AHCTF1: variants seen among roughly 807,000 people sequenced by gnomAD.
AHCTF1 encodes the protein AT-hook containing transcription factor 1.
Under a neutral mutation model 248.4 loss-of-function variants are expected in AHCTF1, and 24 were observed. The ratio of observed to expected loss-of-function variants is 0.10; its 90% CI spans 0.07 to 0.14. The LOEUF is 0.14. Ranked by LOEUF, AHCTF1 falls within the 10% of genes least tolerant of loss-of-function variation. AHCTF1 has a pLI of 1.00. For synonymous variants in AHCTF1, 786 were observed against 929.8 expected (o/e 0.85, Z 2.81); for missense variants, 2,206 against 2,636.2 (o/e 0.84, Z 3.57).
chr1:246,872,232 A>C (rs1662647814), intron 24 of AHCTF1, among the ~76,000 whole-genome samples: 1 of 152,098 alleles, frequency 6.6e-6, no homozygotes, highest in African/African-American at 2.4e-5. Flanking sequence ...GGTGTCTCCA[A>C]TTTGTACAAA....
chr1:246,868,538 G>A lies in AHCTF1; in HGVS notation c.3089-727C>T, dbSNP rs560848869. ...TCAAAGTGCTGGGATAGAGGTGTGAGCCACCGGCCTGGCCTACATTTTGTT... is the reference window on the plus strand; with the variant it reads ...TCAAAGTGCTGGGATAGAGGTGTGAACCACCGGCCTGGCCTACATTTTGTT... On this transcript the variant is annotated intron_variant, in intron 24 of 35. Transcript: ENST00000648844. Among the ~76,000 whole-genome samples, 21 of 151,382 alleles carry A rather than the reference G, an allele frequency of 1.4e-4. 1 individual carries two copies. The highest frequency in any genetic ancestry group is 2.9e-5 in the Non-Finnish European group (2 of 67,950).
intron 1 of AHCTF1, among the ~76,000 whole-genome samples, chr1:246,926,601 A>T (rs1158079930): frequency 6.6e-6 from 1 of 152,228 alleles, no homozygotes; most frequent in Non-Finnish European, 1.5e-5. Context: ...CACACCTGTC[A>T]TCCCAGCACT....
At chr1:246,851,530 G>A (rs1660719929) in intron 32 of AHCTF1, 88 bp from the exon 33 acceptor site, 3 of 1,201,700 alleles carry the variant, frequency 2.5e-6, no homozygotes, top group Non-Finnish European at 3.4e-6. Context: ...ACCCTTGGCT[G>A]TGTGCCTTTT....
intron 1 of AHCTF1, among the ~76,000 whole-genome samples, chr1:246,919,833 T>C (rs1243084623): frequency 1.3e-5 from 2 of 151,352 alleles, no homozygotes; most frequent in African/African-American, 2.4e-5. Flanking sequence ...ATTCTCAAAG[T>C]TAAAGCAACA....
chr1:246,864,277 G>C (rs1473089094), intron 26 of AHCTF1, 161 bp from the exon 27 acceptor site: 6 of 710,552 alleles, frequency 8.4e-6, no homozygotes, highest in African/African-American at 7.3e-5. Flanking sequence ...CATTCAAAAA[G>C]TCAGAAAATT....
chr1:246,839,742 T>G lies in AHCTF1; in HGVS notation c.*1064A>C. On this transcript the variant is annotated 3_prime_UTR_variant, in exon 36 of 36. Coordinates refer to ENST00000648844, the MANE Select transcript of AHCTF1 (RefSeq NM_001323342.2). Reference sequence around the variant, plus strand: ...AGTCCATTCATTACACACTATCGATTACCTGTTATAAATTATTTTACAACA... The same window carrying G: ...AGTCCATTCATTACACACTATCGATGACCTGTTATAAATTATTTTACAACA... The G allele has an allele frequency of 3.1e-5, 5 of 162,680 alleles. No homozygotes were observed. The highest frequency in any genetic ancestry group is 6.5e-5 in the Non-Finnish European group (5 of 77,142). 10.1% of individuals were successfully genotyped at this position (162,680 alleles called of 1,614,324 possible).
chr1:246,869,355 A>T (rs1032791783), intron 24 of AHCTF1, among the ~76,000 whole-genome samples: 1 of 152,188 alleles, frequency 6.6e-6, no homozygotes, highest in Non-Finnish European at 1.5e-5. Flanking sequence ...TGTTCATGTG[A>T]AAGGAGGAGT....
intron 1 of AHCTF1, among the ~76,000 whole-genome samples, chr1:246,923,684 C>A (rs1008048457): frequency 5.9e-5 from 9 of 152,174 alleles, no homozygotes; most frequent in Non-Finnish European, 1.2e-4. Flanking sequence ...GTGGAAGTGA[C>A]ACATTGCTTT....
chr1:246,927,361 C>A (rs905584851), intron 1 of AHCTF1, among the ~76,000 whole-genome samples: 1 of 151,996 alleles, frequency 6.6e-6, no homozygotes, highest in African/African-American at 2.4e-5. Flanking sequence ...CGGCTGCATA[C>A]GCTTGTCATC....
At chr1:246,904,587 T>C (rs1339265215) in intron 6 of AHCTF1, among the ~76,000 whole-genome samples, 1 of 152,078 alleles carries the variant, frequency 6.6e-6, no homozygotes, top group East Asian at 1.9e-4. Flanking sequence ...AACGGGCAGT[T>C]GGGGGAAGGG....
chr1:246,870,723 CAAA>C (rs11340560), intron 24 of AHCTF1, among the ~76,000 whole-genome samples: 18 of 110,158 alleles, frequency 1.6e-4, no homozygotes, highest in Non-Finnish European at 2.4e-4. Context: ...TATAAAACCT[CAAA>C]AAAAAAAAAA....
chr1:246,895,098 A>C (rs1572429087), intron 13 of AHCTF1, among the ~76,000 whole-genome samples: 1 of 152,204 alleles, frequency 6.6e-6, no homozygotes, highest in East Asian at 1.9e-4. Context: ...AATTATAAAA[A>C]CAATTACATA....
chr1:246,890,164 T>A, intron 16 of AHCTF1, 105 bp from the exon 17 acceptor site: 2 of 778,916 alleles, frequency 2.6e-6, no homozygotes, highest in Non-Finnish European at 4.1e-6. Context: ...AACCCCTGGT[T>A]AACCCACAGG....
At chr1:246,921,112 T>C (rs982572848) in intron 1 of AHCTF1, among the ~76,000 whole-genome samples, 1 of 151,402 alleles carries the variant, frequency 6.6e-6, no homozygotes, top group African/African-American at 2.4e-5. Context: ...ATAATAATAA[T>C]AAAAATAAAA....
Position 246,851,362 on chromosome 1 carries a change from A to G in AHCTF1, c.4644T>C (p.Ser1548=), listed in dbSNP as rs1409877971. The change falls in exon 33 of 36, where the codon TCT becomes TCC. Residue 1548 remains serine (S), a synonymous_variant. Transcript: ENST00000648844. The part of the protein sequence containing the change: ...RNLSFNELYP[S]GTLKLQYNFD... ...AATTGTACTGAAGCTTAAGTGTTCC[A>G]GAGGGATATAACTCATTAAATGAAA... The G allele has an allele frequency of 6.2e-7, 1 of 1,614,084 alleles. No homozygotes were observed. Among genetic ancestry groups the G allele is most frequent in the South Asian group, 1.1e-5 (1 of 91,080 alleles).
chr1:246,896,558 G>A lies in AHCTF1; in HGVS notation c.1624-633C>T, dbSNP rs1320420789. On this transcript the variant is annotated intron_variant, in intron 12 of 35. Transcript: ENST00000648844. ...ATTATGTAAGGCTGGGTAGGATGGG[G>A]CAGGCAGGAAGGTAAGGGAAAAGGA... is the stretch of plus-strand genomic sequence containing the variant. Among the ~76,000 whole-genome samples, 6 of 152,292 alleles carry A rather than the reference G, an allele frequency of 3.9e-5. No homozygotes were observed. The East Asian group carries it at 1.2e-3, about 29-fold the overall frequency.
At chr1:246,841,085 A>C in intron 35 of AHCTF1, 87 bp from the exon 36 acceptor site, 1 of 1,176,702 alleles carries the variant, frequency 8.5e-7, no homozygotes, top group South Asian at 1.5e-5. Flanking sequence ...GAAAAACCTT[A>C]GGGACTGCTT....
chr1:246,840,930 C>G lies in AHCTF1; in HGVS notation c.6677G>C (p.Ser2226Thr). The G allele has an allele frequency of 6.2e-7, 1 of 1,612,502 alleles. No individual in the cohort carries two copies. Among genetic ancestry groups the G allele is most frequent in the South Asian group, 1.1e-5 (1 of 90,848 alleles). The change falls in exon 36 of 36, where the codon AGC becomes ACC. Residue 2226 changes from serine to threonine, a missense_variant. By Grantham distance (58) the Ser-to-Thr change is moderately conservative. This residue lies in a region of AHCTF1 where 469 missense variants were observed against 470.0 expected (regional missense o/e 1.00). Transcript: ENST00000648844. ...IEIRLISPLA[S>T]PADGVKSKPR... ...TTTGCTCTTGACTCCGTCAGCTGGG[C>G]TAGCCAAGGGGGAAATCAGCCGAAT...
At chr1:246,925,672 T>C (rs1418198208) in intron 1 of AHCTF1, among the ~76,000 whole-genome samples, 3 of 152,118 alleles carry the variant, frequency 2.0e-5, no homozygotes, top group African/African-American at 7.2e-5. Flanking sequence ...AATCTCATAC[T>C]GAAATGTGAT....
Sources: gnomAD v4.1 joint callset for allele counts (sites outside exome capture counted in the v4.1 genomes callset) on GRCh38, gnomAD v4.1.1 for gene constraint, gnomAD v4.1.1 regional missense constraint, MANE v1.5 for transcripts, NCBI Gene and HGNC (gene_info 2026-07-23, HGNC 2026-07-21) for gene names.